Variants in CCDC14 observed in about 807,000 individuals in gnomAD.
CCDC14 encodes coiled-coil domain-containing protein 14.
Under a neutral mutation model 81.4 loss-of-function variants are expected in CCDC14, and 71 were observed. That is an observed-to-expected ratio of 0.87 (90% confidence interval 0.72 to 1.06). The LOEUF (loss-of-function observed/expected upper bound fraction) is 1.06. Among genes scored for constraint, CCDC14 ranks in the 50% least tolerant of loss-of-function variants. The pLI is 0.00. For synonymous variants in CCDC14, 332 were observed against 364.8 expected (o/e 0.91, Z 1.03); for missense variants, 1,046 against 1,047.3 (o/e 1.00, Z 0.02).
At chr3:123,917,292 G>A (rs1312245732) in intron 12 of CCDC14, among the ~76,000 whole-genome samples, 3 of 151,200 alleles carry the variant, frequency 2.0e-5, no homozygotes, top group African/African-American at 7.3e-5. Context: ...TCAGGAGTTC[G>A]AGACCAGCCT....
intron 5 of CCDC14, among the ~76,000 whole-genome samples, chr3:123,899,774 C>T (rs917385993): frequency 2.6e-5 from 4 of 152,204 alleles, no homozygotes; most frequent in Non-Finnish European, 2.9e-5. Context: ...CCTCTGTAAA[C>T]GTCTGTAGCT....
At chr3:123,956,934 C>T (rs1470768678) in intron 1 of CCDC14, 139 bp from the exon 2 acceptor site, 1 of 533,498 alleles carries the variant, frequency 1.9e-6, no homozygotes, top group East Asian at 3.4e-5. Context: ...TAAACAATAC[C>T]TTTCCATCCC....
At chr3:123,926,498 A>G (rs993093284) in intron 12 of CCDC14, among the ~76,000 whole-genome samples, 2 of 149,300 alleles carry the variant, frequency 1.3e-5, no homozygotes, top group Admixed American at 6.7e-5. Flanking sequence ...GCTCTTTGAA[A>G]CTATTCACTA....
At chr3:123,932,972 G>A (rs1159045335) in intron 10 of CCDC14, among the ~76,000 whole-genome samples, 6 of 152,050 alleles carry the variant, frequency 3.9e-5, no homozygotes, top group Non-Finnish European at 7.4e-5. Context: ...GGTGGCAGGC[G>A]CCTATAATCC....
the CCDC14 span, among the ~76,000 whole-genome samples, chr3:123,890,195 C>T: frequency 2.0e-5 from 3 of 152,178 alleles, no homozygotes; most frequent in African/African-American, 7.2e-5. Context: ...GTCCCTCCCA[C>T]AACACATGGG....
intron 5 of CCDC14, chr3:123,952,727 A>T (rs540624030): frequency 1.7e-5 from 7 of 402,424 alleles, no homozygotes. Context: ...TTAAAAGTAA[A>T]ATAATACATG....
In CCDC14 at chr3:123,931,358, ATAGT is replaced by A. The variant is rs2035696807; in HGVS notation, c.1591_1594del (p.Thr531TyrfsTer12). 1 of 1,524,904 alleles carries A rather than the reference ATAGT, an allele frequency of 6.6e-7. No homozygotes were observed. The highest frequency in any genetic ancestry group is 2.4e-5 in the East Asian group (1 of 40,936). The allele number at this position is 1,524,904 out of a possible 1,614,324, so 94.5% of individuals were successfully genotyped here. Reference sequence around the variant, plus strand: ...ATCATATTGCTGTTTATTTTCAAGTATAGTTTGATCTTTGTCTTTAAATATACTA... The same window carrying A: ...ATCATATTGCTGTTTATTTTCAAGTATTGATCTTTGTCTTTAAATATACTA... On this transcript the variant is annotated frameshift_variant, in exon 11 of 13. Coordinates refer to ENST00000409697, the MANE Select transcript of CCDC14 (RefSeq NM_001366335.1). LOFTEE classifies it high-confidence loss of function.
chr3:123,956,265 A>G, intron 3 of CCDC14, 90 bp downstream of exon 3: 2 of 1,233,608 alleles, frequency 1.6e-6, no homozygotes, highest in Non-Finnish European at 2.3e-6. Context: ...ACTTCCTTAG[A>G]GCAATTAATA....
chr3:123,937,609 G>A (rs2036120910), intron 9 of CCDC14, among the ~76,000 whole-genome samples: 1 of 151,824 alleles, frequency 6.6e-6, no homozygotes, highest in East Asian at 1.9e-4. Context: ...CTCTCAGTCT[G>A]TTGGTTGCTT....
chr3:123,903,900 C>T (rs940355881), intron 5 of CCDC14, among the ~76,000 whole-genome samples: 11 of 152,212 alleles, frequency 7.2e-5, no homozygotes, highest in Middle Eastern at 3.4e-3. Flanking sequence ...TGGAATGTGA[C>T]AGAGACAGCA....
rs771444621 is a variant in CCDC14, at chr3:123,931,284, C to T, written c.1645+24G>A. The T allele has an allele frequency of 5.7e-6, 9 of 1,575,184 alleles. No individual in the cohort carries two copies. The Admixed American group carries it at 1.3e-4, about 23-fold the overall frequency. On this transcript the variant is annotated intron_variant, in intron 11 of 12. Transcript: ENST00000409697. ...CCTTATTCCTTTTAAAAGATGTGAC[C>T]ATAACTACTGTCTAAATACGTACCA...
At chr3:123,922,432 TG>T (rs1262230754) in intron 12 of CCDC14, among the ~76,000 whole-genome samples, 7 of 152,242 alleles carry the variant, frequency 4.6e-5, no homozygotes, top group Non-Finnish European at 7.4e-5. Context: ...AAACTGAGTT[TG>T]TTTTTTTGGG....
chr3:123,916,468 T>TTGTGTGTGTGTGTGTGTG (rs71142765), intron 12 of CCDC14, among the ~76,000 whole-genome samples: 1 of 146,066 alleles, frequency 6.8e-6, no homozygotes, highest in East Asian at 2.0e-4. Context: ...ATATATGTGT[T>TTGTGTGTGTGTGTGTGTG]TGTGTGTGTG....
In CCDC14 at chr3:123,948,836, G is replaced by A. The variant is rs370193107; in HGVS notation, c.590-51C>T. 4.6e-5 allele frequency: 73 copies of A among 1,580,500 alleles called. No homozygotes were observed. The African/African-American group carries it at 6.8e-4, about 15-fold the overall frequency. On this transcript the variant is annotated intron_variant, in intron 6 of 12. Coordinates refer to ENST00000409697, the MANE Select transcript of CCDC14 (RefSeq NM_001366335.1). ...AATCACATATCCTACTTTTTATACA[G>A]TAACCAAGCAATTTAATTAGAACTT...
In CCDC14 at chr3:123,928,333, TA is replaced by T. The variant is rs36006823; in HGVS notation, c.1778+2768del. On this transcript the variant is annotated intron_variant, in intron 12 of 12. Coordinates refer to ENST00000409697, the MANE Select transcript of CCDC14 (RefSeq NM_001366335.1). ...TAACATGGTGAAACCCAGTCTCTAC[TA>T]AAAAAAAAAAAAAAAAAAAAAAATA... Among the ~76,000 whole-genome samples, 245 of 76,370 alleles carry T rather than the reference TA, an allele frequency of 3.2e-3. 4 individuals are homozygous for T. The highest frequency in any genetic ancestry group is 0.012 in the African/African-American group (196 of 16,790). 50.1% of individuals were successfully genotyped at this position (76,370 alleles called of 152,430 possible).
At chr3:123,898,816 TA>T in intron 5 of CCDC14, among the ~76,000 whole-genome samples, 1 of 152,090 alleles carries the variant, frequency 6.6e-6, no homozygotes, top group South Asian at 2.1e-4. Flanking sequence ...GCCTCCTGAG[TA>T]GCTGCGATTA....
chr3:123,895,501 G>A (rs2034047471), downstream of CCDC14, among the ~76,000 whole-genome samples: 1 of 152,162 alleles, frequency 6.6e-6, no homozygotes, highest in Non-Finnish European at 1.5e-5. Context: ...CTGCACAATG[G>A]ACTCACTTGC....
At chr3:123,910,763 C>G (rs1300340663), downstream of CCDC14, among the ~76,000 whole-genome samples, 1 of 152,102 alleles carries the variant, frequency 6.6e-6, no homozygotes, top group Non-Finnish European at 1.5e-5. Flanking sequence ...CAAGCTGTTT[C>G]ATGAACTTAA....
intron 5 of CCDC14, among the ~76,000 whole-genome samples, chr3:123,902,724 G>A (rs2332713): frequency 0.27 from 41,044 of 152,100 alleles, 10,620 homozygotes; most frequent in East Asian, 0.83. Context: ...TGTACCTCAA[G>A]TAAGATGTAA....
Sources: allele counts gnomAD v4.1 joint callset (sites outside exome capture counted in the v4.1 genomes callset), GRCh38; gene constraint gnomAD v4.1.1; transcripts MANE v1.5; gene names NCBI Gene and HGNC (gene_info 2026-07-23, HGNC 2026-07-21).